The following GALNTL6 variants were observed in gnomAD, a reference collection of about 807,000 sequenced individuals.
GALNTL6 encodes the protein polypeptide N-acetylgalactosaminyltransferase like 6.
In GALNTL6, 46 loss-of-function variants were observed where a neutral mutation model predicts 73.7. That is an observed-to-expected ratio of 0.62 (90% CI 0.49 to 0.80). GALNTL6 has a LOEUF of 0.80. Among genes scored for constraint, GALNTL6 ranks in the 30% least tolerant of loss-of-function variants. The pLI is 0.00. For missense variants in GALNTL6, 604 were observed against 755.0 expected, an observed-to-expected ratio of 0.80 and a Z score of 2.34; for synonymous variants, 259 against 263.7, an observed-to-expected ratio of 0.98 and a Z score of 0.17.
chr4:172,832,331 A>G (rs1408984598), intron 7 of GALNTL6, among the ~76,000 whole-genome samples: 1 of 152,130 alleles, frequency 6.6e-6, no homozygotes, highest in Admixed American at 6.5e-5. Context: ...TCACACAGAG[A>G]CAGAAAGTAC....
At chr4:172,368,063 A>G (rs1239991335) in intron 5 of GALNTL6, among the ~76,000 whole-genome samples, 1 of 152,198 alleles carries the variant, frequency 6.6e-6, no homozygotes, top group Non-Finnish European at 1.5e-5. Flanking sequence ...CCAGGGAAAT[A>G]GTATCTATAA....
chr4:172,871,029 G>T (rs1446408666), intron 7 of GALNTL6, among the ~76,000 whole-genome samples: 3 of 152,188 alleles, frequency 2.0e-5, no homozygotes, highest in Non-Finnish European at 4.4e-5. Flanking sequence ...CTGGCTCACA[G>T]AGTTGGGAGG....
At chr4:172,814,178 G>C (rs954584421) in intron 7 of GALNTL6, among the ~76,000 whole-genome samples, 1 of 152,126 alleles carries the variant, frequency 6.6e-6, no homozygotes, top group African/African-American at 2.4e-5. Context: ...ACCTATAACG[G>C]AAGCGTGCTC....
intron 3 of GALNTL6, among the ~76,000 whole-genome samples, chr4:172,305,603 G>C (rs1250758453): frequency 6.6e-6 from 1 of 151,416 alleles, no homozygotes; most frequent in African/African-American, 2.4e-5. Flanking sequence ...TTTTTGTTTA[G>C]AGTCTTCTGC....
At chr4:172,332,901 C>T (rs944683464) in intron 4 of GALNTL6, among the ~76,000 whole-genome samples, 2 of 152,146 alleles carry the variant, frequency 1.3e-5, no homozygotes, top group African/African-American at 4.8e-5. Context: ...GCTGACTATA[C>T]TAGTTTACAC....
At chr4:171,964,259 A>T (rs937698165) in intron 2 of GALNTL6, among the ~76,000 whole-genome samples, 1 of 152,042 alleles carries the variant, frequency 6.6e-6, no homozygotes, top group Non-Finnish European at 1.5e-5. Context: ...TTAGTTTCTA[A>T]GTAGGATAGA....
intron 5 of GALNTL6, among the ~76,000 whole-genome samples, chr4:172,603,754 A>G (rs1255949542): frequency 1.3e-5 from 2 of 152,160 alleles, no homozygotes; most frequent in African/African-American, 2.4e-5. Context: ...CTATATGTCA[A>G]TGCTTGATTC....
intron 2 of GALNTL6, among the ~76,000 whole-genome samples, chr4:172,060,207 C>T (rs932331511): frequency 8.6e-5 from 13 of 151,974 alleles, no homozygotes; most frequent in African/African-American, 3.1e-4. Context: ...AGAAAGAGGA[C>T]ATAGTTAAAA....
chr4:172,395,287 C>G lies in GALNTL6; in HGVS notation c.553+46598C>G, dbSNP rs191399901. Among the ~76,000 whole-genome samples, 280 of 152,160 alleles carry G rather than the reference C, an allele frequency of 1.8e-3. 5 individuals are homozygous for G. In the East Asian group the frequency reaches 0.025, roughly 14 times the overall value. Reference sequence around the variant, plus strand: ...CCTTGTAGCTTAAAAAAAATCATTACTTTTGTATTTATGGACATTTACAAA... The same window carrying G: ...CCTTGTAGCTTAAAAAAAATCATTAGTTTTGTATTTATGGACATTTACAAA... On this transcript the variant is annotated intron_variant, in intron 5 of 12. Transcript: ENST00000506823.
chr4:172,764,795 C>T (rs965680324), intron 5 of GALNTL6, among the ~76,000 whole-genome samples: 1 of 152,030 alleles, frequency 6.6e-6, no homozygotes, highest in African/African-American at 2.4e-5. Flanking sequence ...TACTCCTGTA[C>T]ATAAAAAAAT....
At chr4:172,157,863 C>T (rs962895995) in intron 2 of GALNTL6, among the ~76,000 whole-genome samples, 9 of 152,168 alleles carry the variant, frequency 5.9e-5, no homozygotes, top group South Asian at 4.1e-4. Context: ...GCTATCAGAT[C>T]CTAAGCTATG....
chr4:172,186,110 T>C (rs964777528), intron 2 of GALNTL6, among the ~76,000 whole-genome samples: 5 of 152,112 alleles, frequency 3.3e-5, no homozygotes, highest in Admixed American at 6.6e-5. Context: ...GAGTAGAATT[T>C]ATTGAAAAAT....
chr4:172,587,101 A>ATT (rs1737440796), intron 5 of GALNTL6, among the ~76,000 whole-genome samples: 1 of 151,610 alleles, frequency 6.6e-6, no homozygotes, highest in African/African-American at 2.4e-5. Flanking sequence ...ATGTGTGTGC[A>ATT]CATGTGAAAA....
chr4:172,265,460 C>A (rs1738418705), intron 3 of GALNTL6, among the ~76,000 whole-genome samples: 1 of 152,016 alleles, frequency 6.6e-6, no homozygotes, highest in African/African-American at 2.4e-5. Flanking sequence ...CAGTCTACGA[C>A]ATCAATCAAA....
At chr4:172,586,134 T>C (rs1737400716) in intron 5 of GALNTL6, among the ~76,000 whole-genome samples, 1 of 152,182 alleles carries the variant, frequency 6.6e-6, no homozygotes, top group Non-Finnish European at 1.5e-5. Context: ...AGAAATACTA[T>C]TTGACCCAGC....
At chr4:172,664,578 T>C (rs182757090) in intron 5 of GALNTL6, among the ~76,000 whole-genome samples, 1 of 152,346 alleles carries the variant, frequency 6.6e-6, no homozygotes. Flanking sequence ...ACCACGCCTT[T>C]ACTAGGTCAT....
At chr4:172,174,545 A>C (rs939587453) in intron 2 of GALNTL6, among the ~76,000 whole-genome samples, 2 of 152,206 alleles carry the variant, frequency 1.3e-5, no homozygotes, top group African/African-American at 4.8e-5. Flanking sequence ...TTAACTATAG[A>C]AAAATATGAA....
chr4:172,486,841 T>A (rs1376333237), intron 5 of GALNTL6, among the ~76,000 whole-genome samples: 1 of 152,224 alleles, frequency 6.6e-6, no homozygotes, highest in East Asian at 1.9e-4. Context: ...TGAAAGTAGA[T>A]TTCACTTTCT....
chr4:172,137,552 G>C (rs1560937851), intron 2 of GALNTL6, among the ~76,000 whole-genome samples: 1 of 152,132 alleles, frequency 6.6e-6, no homozygotes, highest in Non-Finnish European at 1.5e-5. Context: ...TCCATGACCT[G>C]AATGGAGAGA....
Sources: gnomAD v4.1 joint callset for allele counts (sites outside exome capture counted in the v4.1 genomes callset) on GRCh38, gnomAD v4.1.1 for gene constraint, MANE v1.5 for transcripts, NCBI Gene and HGNC (gene_info 2026-07-23, HGNC 2026-07-21) for gene names.